The following WASF2 variants were observed in gnomAD, a reference collection of about 807,000 sequenced individuals.
WASF2 encodes WASP family member 2.
In WASF2, 14 loss-of-function variants were observed where a neutral mutation model predicts 45.0. The observed-to-expected ratio is 0.31, with a 90% CI of 0.21 to 0.49. The LOEUF is 0.49. Among genes scored for constraint, WASF2 ranks in the 20% least tolerant of loss-of-function variants. The pLI is 0.99. For synonymous variants in WASF2, 200 were observed against 236.3 expected, an observed-to-expected ratio of 0.85 and a Z score of 1.41; for missense variants, 439 against 636.1, an observed-to-expected ratio of 0.69 and a Z score of 3.33.
At chr1:27,418,867 G>GTT (rs74321458) in intron 3 of WASF2, 87 bp downstream of exon 3, 926 of 1,088,760 alleles carry the variant, frequency 8.5e-4, no homozygotes, top group Middle Eastern at 2.8e-3. Context: ...CTCTCCTCAC[G>GTT]TTTTTTTTTT....
intron 1 of WASF2, among the ~76,000 whole-genome samples, chr1:27,471,272 G>C (rs993789016): frequency 3.3e-5 from 5 of 150,070 alleles, no homozygotes; most frequent in Non-Finnish European, 7.4e-5. Flanking sequence ...GTGAACCCGG[G>C]AGGCGGAGCT....
At chr1:27,446,876 C>T (rs1402960310) in intron 1 of WASF2, among the ~76,000 whole-genome samples, 3 of 152,050 alleles carry the variant, frequency 2.0e-5, no homozygotes, top group African/African-American at 7.2e-5. Flanking sequence ...ATCATAGTTC[C>T]CTGGGACCAC....
At chr1:27,477,697 A>C (rs1382221706) in intron 1 of WASF2, among the ~76,000 whole-genome samples, 1 of 106,172 alleles carries the variant, frequency 9.4e-6, no homozygotes, top group African/African-American at 5.3e-5. Context: ...CAGGAGATCG[A>C]GACCATCCCG....
chr1:27,419,062 C>T lies in WASF2; in HGVS notation c.157G>A (p.Glu53Lys). ...AAGGTATTTGCCTGAGTAAAGAGCT[C>T]TCCAAAAATGTCCTCTGCATATTTA... ...LSKYAEDIFG[E>K]LFTQANTFAS... The change falls in exon 3 of 9, where the codon GAG becomes AAG. Residue 53 changes from glutamate (E) to lysine (K), a missense_variant. By Grantham distance (56) the Glu-to-Lys change is moderately conservative. Around this residue, in one of 5 missense-constraint regions of WASF2, gnomAD observed 16 missense variants for 51.1 expected, o/e 0.31. Transcript: ENST00000618852. The T allele has an allele frequency of 6.2e-7, 1 of 1,613,932 alleles. No homozygotes were observed. The highest frequency in any genetic ancestry group is 1.6e-4 in the Middle Eastern group (1 of 6,062).
intron 1 of WASF2, among the ~76,000 whole-genome samples, chr1:27,489,250 GCGCACACACACACA>G (rs1457154228): frequency 7.2e-5 from 8 of 111,594 alleles, no homozygotes; most frequent in Non-Finnish European, 9.0e-5. Flanking sequence ...TCCTGTACGC[GCGCACACACACACA>G]CACACACACA....
In WASF2 at chr1:27,412,707, T is replaced by C. The variant is rs2016780671; in HGVS notation, c.689A>G (p.Tyr230Cys). 1.2e-6 allele frequency: 2 copies of C among 1,614,102 alleles called. No individual in the cohort carries two copies. Among genetic ancestry groups the C allele is most frequent in the African/African-American group, 2.7e-5 (2 of 74,930 alleles). Residue 230 changes from tyrosine (Y) to cysteine (C), a missense_variant, in exon 7 of 9, where the codon TAC becomes TGC. Coordinates refer to ENST00000618852, the MANE Select transcript of WASF2 (RefSeq NM_006990.5). ...AACACAGCCAATGCTGCCATTCTGG[T>C]ACACCAAAGTGGGTGGATACCTGAC... ...GTSGYPPTLV[Y>C]QNGSIGCVEN...
chr1:27,484,799 G>A lies in WASF2; in HGVS notation c.-44+5187C>T, dbSNP rs369184978. Among the ~76,000 whole-genome samples, 57 of 111,910 alleles carry A rather than the reference G, an allele frequency of 5.1e-4. No homozygotes were observed. The South Asian group carries it at 0.017, about 33-fold the overall frequency. The allele number at this position is 111,910 out of a possible 152,430, so 73.4% of individuals were successfully genotyped here. A position where few individuals can be genotyped will look rare whatever the true frequency, so the allele number is the denominator to read the frequency against. Reference sequence around the variant, plus strand: ...TGCACTCCAGCCTGGATGACAGAGCGAGACTCTGTCTCAAAAAAAAAAAGA... The same window carrying A: ...TGCACTCCAGCCTGGATGACAGAGCAAGACTCTGTCTCAAAAAAAAAAAGA... On this transcript the variant is annotated intron_variant, in intron 1 of 8. Transcript: ENST00000618852.
chr1:27,473,587 C>T (rs958505837), intron 1 of WASF2, among the ~76,000 whole-genome samples: 1 of 151,924 alleles, frequency 6.6e-6, no homozygotes, highest in Non-Finnish European at 1.5e-5. Context: ...TCAATAGATT[C>T]TTGGATATTA....
intron 1 of WASF2, among the ~76,000 whole-genome samples, chr1:27,454,866 AT>A (rs967786802): frequency 1.3e-5 from 2 of 151,878 alleles, no homozygotes; most frequent in Admixed American, 1.3e-4. Context: ...CGACATTGGG[AT>A]TTTTTCTCCA....
chr1:27,478,951 T>C lies in WASF2; in HGVS notation c.-44+11035A>G, dbSNP rs530701672. Among the ~76,000 whole-genome samples, 318 of 152,224 alleles carry C rather than the reference T, an allele frequency of 2.1e-3. 3 individuals carry two copies. Among genetic ancestry groups the C allele is most frequent in the African/African-American group, 7.4e-3 (309 of 41,552 alleles). ...TTTACATTTGTCAAAACTCGTCTAA[T>C]TATATACTTCCATCTCACTGTATAT... On this transcript the variant is annotated intron_variant, in intron 1 of 8. Coordinates refer to ENST00000618852, the MANE Select transcript of WASF2 (RefSeq NM_006990.5).
At chr1:27,421,031 C>A (rs2148106861) in intron 2 of WASF2, among the ~76,000 whole-genome samples, 1 of 152,330 alleles carries the variant, frequency 6.6e-6, no homozygotes, top group Non-Finnish European at 1.5e-5. Flanking sequence ...CTTCCCAGTA[C>A]AACCTGAAGA....
intron 1 of WASF2, among the ~76,000 whole-genome samples, chr1:27,458,308 T>TAA (rs71010355): frequency 5.8e-4 from 17 of 29,404 alleles, no homozygotes; most frequent in African/African-American, 1.5e-3. Context: ...GCGAGATTCT[T>TAA]AAAAAAAAAA....
chr1:27,488,743 C>T (rs2017981315), intron 1 of WASF2, among the ~76,000 whole-genome samples: 1 of 152,144 alleles, frequency 6.6e-6, no homozygotes, highest in Admixed American at 6.6e-5. Context: ...GACCTCTGCC[C>T]CCATTTGTAA....
At chr1:27,418,560 CCTCT>C in intron 3 of WASF2, 138 bp from the exon 4 acceptor site, 1 of 1,218,340 alleles carries the variant, frequency 8.2e-7, no homozygotes, top group Non-Finnish European at 1.1e-6. Flanking sequence ...TTTCCCTCCC[CCTCT>C]GGGGAAGCCC....
intron 1 of WASF2, among the ~76,000 whole-genome samples, chr1:27,471,912 G>A (rs972358122): frequency 6.6e-6 from 1 of 152,032 alleles, no homozygotes; most frequent in Admixed American, 6.6e-5. Context: ...TCTCTTTAGC[G>A]ACCTACCTAG....
intron 4 of WASF2, among the ~76,000 whole-genome samples, 168 bp from the exon 5 acceptor site, chr1:27,416,270 T>G (rs1486165988): frequency 6.6e-6 from 1 of 152,220 alleles, no homozygotes; most frequent in Non-Finnish European, 1.5e-5. Flanking sequence ...TGCCCCCGAA[T>G]GGCACCTCTC....
At chr1:27,473,074 T>C (rs1409458985) in intron 1 of WASF2, among the ~76,000 whole-genome samples, 1 of 151,846 alleles carries the variant, frequency 6.6e-6, no homozygotes, top group Non-Finnish European at 1.5e-5. Flanking sequence ...GAGAAAATCT[T>C]TGTAAATAAT....
intron 1 of WASF2, among the ~76,000 whole-genome samples, chr1:27,451,936 T>A (rs540266686): frequency 6.6e-6 from 1 of 152,274 alleles, no homozygotes; most frequent in African/African-American, 2.4e-5. Context: ...AGAACAGTAA[T>A]AGAACAATTA....
intron 2 of WASF2, among the ~76,000 whole-genome samples, chr1:27,420,040 G>A (rs1030468852): frequency 3.3e-5 from 5 of 152,078 alleles, no homozygotes; most frequent in Non-Finnish European, 7.4e-5. Flanking sequence ...GAGTAACTGG[G>A]ATTACAGATG....
Sources: gnomAD v4.1 joint callset for allele counts (sites outside exome capture counted in the v4.1 genomes callset) on GRCh38, gnomAD v4.1.1 for gene constraint, gnomAD v4.1.1 regional missense constraint, MANE v1.5 for transcripts, NCBI Gene and HGNC (gene_info 2026-07-23, HGNC 2026-07-21) for gene names.